Variants in TASP1 observed in about 807,000 individuals in gnomAD.
TASP1 encodes taspase 1.
TASP1 carries 16 observed loss-of-function variants against 56.6 expected under a neutral mutation model. The ratio of observed to expected loss-of-function variants is 0.28; its 90% CI spans 0.19 to 0.43. The LOEUF is 0.43. Among genes scored for constraint, TASP1 ranks in the 20% least tolerant of loss-of-function variants. TASP1 has a pLI of 1.00. For synonymous variants in TASP1, 179 were observed against 184.2 expected (o/e 0.97, Z 0.23); for missense variants, 393 against 511.6 (o/e 0.77, Z 2.24).
chr20:13,545,500 T>G (rs867238020), intron 8 of TASP1, among the ~76,000 whole-genome samples: 4 of 152,208 alleles, frequency 2.6e-5, no homozygotes, highest in Non-Finnish European at 1.5e-5. Context: ...ACTCTAGCTA[T>G]GGTCATAATT....
chr20:13,282,399 T>G, the TASP1 span, among the ~76,000 whole-genome samples: 1 of 152,324 alleles, frequency 6.6e-6, no homozygotes, highest in Non-Finnish European at 1.5e-5. Context: ...ACACTGAAGT[T>G]TGAAGACCAC....
At chr20:13,172,917 G>A in the TASP1 span, among the ~76,000 whole-genome samples, 1 of 152,138 alleles carries the variant, frequency 6.6e-6, no homozygotes, top group Non-Finnish European at 1.5e-5. Context: ...AAAGGTGATG[G>A]GTAATTTTTT....
At chr20:13,489,205 C>G (rs138377109) in intron 10 of TASP1, among the ~76,000 whole-genome samples, 21 of 152,298 alleles carry the variant, frequency 1.4e-4, no homozygotes, top group African/African-American at 5.1e-4. Context: ...CATACTTCCC[C>G]TCCACAAGAA....
chr20:13,451,378 A>G (rs556247652), intron 11 of TASP1, among the ~76,000 whole-genome samples: 19 of 152,254 alleles, frequency 1.2e-4, no homozygotes, highest in African/African-American at 4.6e-4. Flanking sequence ...CCTAGATGGC[A>G]TCATCTTCCA....
At chr20:13,632,302 T>C (rs1245639124) in intron 1 of TASP1, among the ~76,000 whole-genome samples, 1 of 147,778 alleles carries the variant, frequency 6.8e-6, no homozygotes, top group African/African-American at 2.5e-5. Context: ...GGAGGCGAGG[T>C]TGCAGTGAGC....
At chr20:13,443,957 C>T (rs935342463) in intron 11 of TASP1, among the ~76,000 whole-genome samples, 4 of 152,240 alleles carry the variant, frequency 2.6e-5, no homozygotes, top group East Asian at 1.9e-4. Context: ...CCACAACACA[C>T]AAATGGACAG....
intron 12 of TASP1, among the ~76,000 whole-genome samples, chr20:13,429,336 C>T (rs2042722256): frequency 1.3e-5 from 2 of 152,030 alleles, no homozygotes; most frequent in Non-Finnish European, 2.9e-5. Context: ...AGAGCATATG[C>T]AAGTTATTGC....
At chr20:13,293,021 C>A in the TASP1 span, among the ~76,000 whole-genome samples, 1 of 151,556 alleles carries the variant, frequency 6.6e-6, no homozygotes, top group African/African-American at 2.4e-5. Flanking sequence ...ATGGTGAAAC[C>A]CCCCCGTCTC....
At chr20:13,413,907 TGGCCCTTTACC>T (rs1299432571) in intron 13 of TASP1, among the ~76,000 whole-genome samples, 1 of 152,158 alleles carries the variant, frequency 6.6e-6, no homozygotes, top group Non-Finnish European at 1.5e-5. Flanking sequence ...GTCCATATTA[TGGCCCTTTACC>T]CCTAGATGCA....
chr20:13,363,609 C>A, the TASP1 span, among the ~76,000 whole-genome samples: 3 of 152,182 alleles, frequency 2.0e-5, no homozygotes, highest in Admixed American at 6.5e-5. Context: ...AAGTGACAAC[C>A]TACTACTGTA....
chr20:13,505,498 G>A (rs532004300), intron 10 of TASP1, among the ~76,000 whole-genome samples: 1 of 152,158 alleles, frequency 6.6e-6, no homozygotes, highest in African/African-American at 2.4e-5. Context: ...GTGCACACAG[G>A]ATACTTTCCA....
At chr20:13,387,542 T>A (rs971794725), downstream of TASP1, among the ~76,000 whole-genome samples, 21 of 152,332 alleles carry the variant, frequency 1.4e-4, 1 homozygote, top group African/African-American at 4.8e-4. Context: ...ATGTACCACA[T>A]TTTCTTTATC....
chr20:13,354,869 G>A, the TASP1 span, among the ~76,000 whole-genome samples: 3 of 151,972 alleles, frequency 2.0e-5, no homozygotes, highest in Non-Finnish European at 4.4e-5. Context: ...AGTGGGCACT[G>A]GCAGATCTAA....
intron 12 of TASP1, among the ~76,000 whole-genome samples, chr20:13,432,351 C>T (rs982417915): frequency 3.3e-5 from 5 of 152,112 alleles, no homozygotes; most frequent in African/African-American, 7.2e-5. Flanking sequence ...GAGGGTGTTT[C>T]CCGTGAGAAT....
intron 11 of TASP1, among the ~76,000 whole-genome samples, chr20:13,467,948 G>A (rs6109900): frequency 0.063 from 8,921 of 140,624 alleles, 375 homozygotes; most frequent in African/African-American, 0.12. Flanking sequence ...CCCAGGAGGC[G>A]GAGGGTTCAG....
At chr20:13,175,848 C>T in the TASP1 span, among the ~76,000 whole-genome samples, 5 of 152,084 alleles carry the variant, frequency 3.3e-5, no homozygotes, top group African/African-American at 1.2e-4. Context: ...GGAACAAATG[C>T]ACTATGAGAA....
chr20:13,335,645 GA>G, the TASP1 span, among the ~76,000 whole-genome samples: 1 of 151,342 alleles, frequency 6.6e-6, no homozygotes, highest in Non-Finnish European at 1.5e-5. Flanking sequence ...TCTCAGATAA[GA>G]AAAGATATTG....
intron 13 of TASP1, chr20:13,392,950 G>C (rs1402789369): frequency 3.3e-6 from 2 of 611,796 alleles, no homozygotes; most frequent in Admixed American, 1.9e-5. Context: ...TGCTGGTGCT[G>C]AGTACATTAT....
At chr20:13,371,791 C>G in the TASP1 span, among the ~76,000 whole-genome samples, 2 of 152,106 alleles carry the variant, frequency 1.3e-5, no homozygotes, top group East Asian at 3.8e-4. Flanking sequence ...TTTTTCCCCT[C>G]GATCATGTCA....
Sources: allele counts gnomAD v4.1 joint callset (sites outside exome capture counted in the v4.1 genomes callset), GRCh38; gene constraint gnomAD v4.1.1; transcripts MANE v1.5; gene names NCBI Gene and HGNC (gene_info 2026-07-23, HGNC 2026-07-21).